PPP1R9A: variants seen among roughly 807,000 people sequenced by gnomAD.
PPP1R9A encodes the protein neurabin-1.
In PPP1R9A, 59 loss-of-function variants were observed where a neutral mutation model predicts 141.9. The observed-to-expected ratio is 0.42, with a 90% CI of 0.34 to 0.52. PPP1R9A has a LOEUF of 0.52. Among genes scored for constraint, PPP1R9A ranks in the 20% least tolerant of loss-of-function variants. PPP1R9A has a pLI of 0.10. For synonymous variants in PPP1R9A, 500 were observed against 569.7 expected, an observed-to-expected ratio of 0.88 and a Z score of 1.74; for missense variants, 1,444 against 1,611.9, an observed-to-expected ratio of 0.90 and a Z score of 1.78.
intron 2 of PPP1R9A, among the ~76,000 whole-genome samples, chr7:95,091,306 A>G (rs1308808793): frequency 1.5e-5 from 2 of 134,000 alleles, no homozygotes; most frequent in Admixed American, 7.5e-5. Flanking sequence ...TATTAGAGTG[A>G]GTTGGTCTGT....
At chr7:95,148,992 A>G (rs1412845745) in intron 4 of PPP1R9A, among the ~76,000 whole-genome samples, 1 of 152,118 alleles carries the variant, frequency 6.6e-6, no homozygotes, top group Non-Finnish European at 1.5e-5. Context: ...ATACAAATAT[A>G]TATCAGTAAA....
chr7:95,190,525 A>C (rs2152829611), intron 5 of PPP1R9A, among the ~76,000 whole-genome samples: 2 of 152,272 alleles, frequency 1.3e-5, no homozygotes, highest in Middle Eastern at 6.8e-3. Context: ...TAAAGTTGTC[A>C]CGTGGACACA....
At chr7:95,261,435 T>C (rs1486094796) in intron 12 of PPP1R9A, among the ~76,000 whole-genome samples, 1 of 152,166 alleles carries the variant, frequency 6.6e-6, no homozygotes. Context: ...CTATAAGGAA[T>C]AAATCCACTT....
intron 8 of PPP1R9A, among the ~76,000 whole-genome samples, chr7:95,244,878 C>A (rs1484491285): frequency 1.3e-5 from 2 of 152,112 alleles, no homozygotes; most frequent in Non-Finnish European, 2.9e-5. Context: ...CTTAATCATC[C>A]AATAAGGAAG....
intron 5 of PPP1R9A, among the ~76,000 whole-genome samples, chr7:95,192,392 G>A (rs574769412): frequency 2.0e-5 from 3 of 151,792 alleles, no homozygotes; most frequent in Non-Finnish European, 4.4e-5. Context: ...GGATAGATAG[G>A]AAATGGCATC....
chr7:95,103,158 C>T (rs1217439033), intron 2 of PPP1R9A, among the ~76,000 whole-genome samples: 3 of 151,978 alleles, frequency 2.0e-5, no homozygotes, highest in African/African-American at 7.3e-5. Flanking sequence ...TTTGGATTTG[C>T]TAGTCCCTAC....
intron 4 of PPP1R9A, among the ~76,000 whole-genome samples, chr7:95,135,433 A>G (rs1825468223): frequency 6.6e-6 from 1 of 152,056 alleles, no homozygotes; most frequent in South Asian, 2.1e-4. Flanking sequence ...TAGTCCCTTC[A>G]GTTGTACTTA....
At chr7:95,214,010 A>G (rs923538476) in intron 7 of PPP1R9A, among the ~76,000 whole-genome samples, 2 of 152,108 alleles carry the variant, frequency 1.3e-5, no homozygotes, top group African/African-American at 2.4e-5. Flanking sequence ...GTGCAGTGCA[A>G]TTTAGTCTTG....
chr7:94,924,303 C>T (rs1021230505), intron 2 of PPP1R9A, among the ~76,000 whole-genome samples: 1 of 152,124 alleles, frequency 6.6e-6, no homozygotes, highest in Non-Finnish European at 1.5e-5. Flanking sequence ...TTATGTTTTT[C>T]CATAGAGACT....
At chr7:95,118,995 AAAAGAAG>A (rs1397509030) in intron 3 of PPP1R9A, among the ~76,000 whole-genome samples, 4 of 151,828 alleles carry the variant, frequency 2.6e-5, no homozygotes, top group Non-Finnish European at 5.9e-5. Context: ...CAAAAAAAAA[AAAAGAAG>A]AAGAAGAAAG....
At chr7:95,279,563 C>T (rs1041021490) in intron 16 of PPP1R9A, among the ~76,000 whole-genome samples, 1 of 152,118 alleles carries the variant, frequency 6.6e-6, no homozygotes, top group Admixed American at 6.5e-5. Context: ...ATTTCAAATG[C>T]CTGAAGCCTG....
At chr7:95,221,823 A>G (rs1453093353) in intron 7 of PPP1R9A, among the ~76,000 whole-genome samples, 2 of 152,060 alleles carry the variant, frequency 1.3e-5, no homozygotes, top group African/African-American at 2.4e-5. Flanking sequence ...TTCATACACT[A>G]TATGTTATGG....
At chr7:95,257,129 A>G (rs1195131246) in intron 12 of PPP1R9A, among the ~76,000 whole-genome samples, 3 of 151,398 alleles carry the variant, frequency 2.0e-5, no homozygotes, top group East Asian at 3.9e-4. Context: ...TGCTTGGCCC[A>G]GAATAGGGCC....
At chr7:95,037,100 C>T (rs1808530469) in intron 2 of PPP1R9A, 2 of 151,908 alleles carry the variant, frequency 1.3e-5, no homozygotes, top group Admixed American at 6.6e-5. Context: ...CTGGGATTTG[C>T]TTTAAAGTAC....
intron 2 of PPP1R9A, among the ~76,000 whole-genome samples, chr7:94,994,114 A>C (rs1173037775): frequency 6.6e-6 from 1 of 152,162 alleles, no homozygotes; most frequent in Non-Finnish European, 1.5e-5. Flanking sequence ...CCCAGGGAAA[A>C]CTGTGTATTT....
At chr7:95,277,977 C>T (rs1803508347) in intron 16 of PPP1R9A, among the ~76,000 whole-genome samples, 1 of 152,094 alleles carries the variant, frequency 6.6e-6, no homozygotes, top group African/African-American at 2.4e-5. Flanking sequence ...GTGTGTATCT[C>T]AGATGGGGCT....
chr7:94,934,276 C>T (rs1271183273), intron 2 of PPP1R9A, among the ~76,000 whole-genome samples: 4 of 152,194 alleles, frequency 2.6e-5, no homozygotes, highest in Non-Finnish European at 5.9e-5. Flanking sequence ...ATCAGACTCA[C>T]ACTGACAGTT....
chr7:95,005,476 T>C (rs1445963557), intron 2 of PPP1R9A, among the ~76,000 whole-genome samples: 2 of 152,166 alleles, frequency 1.3e-5, no homozygotes, highest in African/African-American at 2.4e-5. Context: ...ATCACAGATA[T>C]AAAATGCATT....
intron 2 of PPP1R9A, among the ~76,000 whole-genome samples, chr7:94,919,449 T>C (rs1584209896): frequency 6.6e-6 from 1 of 151,858 alleles, no homozygotes; most frequent in African/African-American, 2.4e-5. Context: ...CCTGCCAACA[T>C]AGGGTTTCTT....
Sources: gnomAD v4.1 joint callset for allele counts (sites outside exome capture counted in the v4.1 genomes callset) on GRCh38, gnomAD v4.1.1 for gene constraint, MANE v1.5 for transcripts, NCBI Gene and HGNC (gene_info 2026-07-23, HGNC 2026-07-21) for gene names.